The following ZSCAN23 variants were observed in gnomAD, a reference collection of about 807,000 sequenced individuals.
The protein encoded by ZSCAN23 is zinc finger and SCAN domain containing 23.
ZSCAN23 carries 19 observed loss-of-function variants against 19.3 expected under a neutral mutation model. The observed-to-expected ratio is 0.99, with a 90% CI of 0.69 to 1.45. ZSCAN23 has a LOEUF of 1.45. Ranked by LOEUF, ZSCAN23 falls within the 40% of genes most tolerant of loss-of-function variation. The pLI is 0.00. For missense variants in ZSCAN23, 372 were observed against 462.5 expected (o/e 0.80, Z 1.79); for synonymous variants, 140 against 166.2 (o/e 0.84, Z 1.21).
chr6:28,425,110 C>A, the ZSCAN23 span, among the ~76,000 whole-genome samples: 1 of 152,172 alleles, frequency 6.6e-6, no homozygotes, highest in Non-Finnish European at 1.5e-5. Flanking sequence ...CAATATTAAC[C>A]TTTTTGCACA....
At chr6:28,439,005 C>A (rs1012450550) in intron 1 of ZSCAN23, among the ~76,000 whole-genome samples, 1 of 152,162 alleles carries the variant, frequency 6.6e-6, no homozygotes, top group African/African-American at 2.4e-5. Flanking sequence ...GTTCTGACAT[C>A]TTTGGTTTGG....
At chr6:28,432,518 T>C (rs7765989), downstream of ZSCAN23, 31,367 of 152,156 alleles carry the variant, frequency 0.21, 3,590 homozygotes, top group African/African-American at 0.29. Flanking sequence ...CCATCACTTC[T>C]CCATTTCTCT....
chr6:28,431,278 T>TA (rs1368305448), downstream of ZSCAN23, among the ~76,000 whole-genome samples: 1 of 152,222 alleles, frequency 6.6e-6, no homozygotes, highest in African/African-American at 2.4e-5. Flanking sequence ...ATCTTTCTGA[T>TA]TCTCTGTCTT....
the ZSCAN23 span, among the ~76,000 whole-genome samples, chr6:28,425,340 T>G: frequency 6.6e-6 from 1 of 152,168 alleles, no homozygotes; most frequent in African/African-American, 2.4e-5. Flanking sequence ...GTTTGTGTGT[T>G]TGTTTGAGAC....
rs185399222 is a variant in ZSCAN23 at position 28,434,583 on chromosome 6, T to A, written c.1052A>T (p.His351Leu). The A allele has an allele frequency of 1.3e-6, 2 of 1,555,344 alleles. No homozygotes were observed. The highest frequency in any genetic ancestry group is 4.9e-5 in the East Asian group (2 of 41,158). The change falls in exon 4 of 4, where the codon CAT becomes CTT. Residue 351 changes from histidine (H) to leucine (L), a missense_variant. Coordinates refer to ENST00000289788, the MANE Select transcript of ZSCAN23 (RefSeq NM_001012455.2). ...SFSRRSVLIK[H>L]QRIHTGERPY... ...TCTCTCTCCAGTGTGAATTCTCTGATGCTTAATGAGGACTGAACGTCGACT... is the reference window on the plus strand; with the variant it reads ...TCTCTCTCCAGTGTGAATTCTCTGAAGCTTAATGAGGACTGAACGTCGACT...
At chr6:28,435,810 C>T in intron 2 of ZSCAN23, 49 bp downstream of exon 2, 1 of 1,503,528 alleles carries the variant, frequency 6.7e-7, no homozygotes, top group Non-Finnish European at 8.9e-7. Flanking sequence ...GCACTGAAAC[C>T]CCATACTTGT....
At chr6:28,425,996 T>C in the ZSCAN23 span, among the ~76,000 whole-genome samples, 16 of 152,188 alleles carry the variant, frequency 1.1e-4, no homozygotes, top group African/African-American at 3.6e-4. Context: ...AGCTTCCTCA[T>C]CTCTCTCAGC....
At chr6:28,425,486 C>A in the ZSCAN23 span, among the ~76,000 whole-genome samples, 2 of 152,124 alleles carry the variant, frequency 1.3e-5, no homozygotes, top group South Asian at 4.1e-4. Context: ...TACCACCACA[C>A]CCAGCTAATT....
At chr6:28,429,647 A>C (rs1761719687), downstream of ZSCAN23, among the ~76,000 whole-genome samples, 1 of 152,134 alleles carries the variant, frequency 6.6e-6, no homozygotes, top group Admixed American at 6.5e-5. Context: ...ATACAGACCT[A>C]GCTCTGTACA....
At chr6:28,429,657 A>G (rs778961919), downstream of ZSCAN23, among the ~76,000 whole-genome samples, 10 of 152,120 alleles carry the variant, frequency 6.6e-5, no homozygotes, top group Non-Finnish European at 1.0e-4. Context: ...AGCTCTGTAC[A>G]GCGCTTTGTT....
At chr6:28,431,773 T>C (rs1761765193), downstream of ZSCAN23, among the ~76,000 whole-genome samples, 1 of 152,240 alleles carries the variant, frequency 6.6e-6, no homozygotes, top group African/African-American at 2.4e-5. Context: ...GACAATAGTA[T>C]CTAAAAACTT....
At chr6:28,428,410 T>C (rs572854104), downstream of ZSCAN23, among the ~76,000 whole-genome samples, 1 of 152,368 alleles carries the variant, frequency 6.6e-6, no homozygotes, top group African/African-American at 2.4e-5. Context: ...TATTTATCCC[T>C]GGCTACATTT....
At chr6:28,428,084 T>A (rs1761692404), downstream of ZSCAN23, among the ~76,000 whole-genome samples, 1 of 152,046 alleles carries the variant, frequency 6.6e-6, no homozygotes, top group Non-Finnish European at 1.5e-5. Flanking sequence ...CAAAAAAAAA[T>A]GTTTAGTATC....
chr6:28,423,149 C>T, the ZSCAN23 span, among the ~76,000 whole-genome samples: 850 of 152,182 alleles, frequency 5.6e-3, 7 homozygotes, highest in African/African-American at 0.019. Context: ...GTGGAACACA[C>T]GATGGGAGGG....
At chr6:28,436,436 T>A (rs1220917443) in intron 1 of ZSCAN23, 93 bp from the exon 2 acceptor site, 2 of 609,062 alleles carry the variant, frequency 3.3e-6, no homozygotes, top group Non-Finnish European at 5.4e-6. Flanking sequence ...TCAGTCACTC[T>A]GTCTCATGAA....
chr6:28,435,206 ATTT>A, intron 3 of ZSCAN23, 128 bp from the exon 4 acceptor site: 1 of 1,174,508 alleles, frequency 8.5e-7, no homozygotes. Context: ...TTTTCTGTTT[ATTT>A]TTCCACTCTA....
chr6:28,424,740 G>GCTACACTT, the ZSCAN23 span, among the ~76,000 whole-genome samples: 1 of 152,088 alleles, frequency 6.6e-6, no homozygotes, highest in African/African-American at 2.4e-5. Flanking sequence ...ACATCTTCAG[G>GCTACACTT]CTACACTTCT....
At chr6:28,440,426 G>C (rs1384327455) in intron 1 of ZSCAN23, among the ~76,000 whole-genome samples, 1 of 152,202 alleles carries the variant, frequency 6.6e-6, no homozygotes, top group African/African-American at 2.4e-5. Context: ...AGTGGAGGCA[G>C]AGAGGGATGC....
Position 28,435,997 on chromosome 6 carries a change from C to T in ZSCAN23, c.270G>A (p.Leu90=), listed in dbSNP as rs778648011. Residue 90 remains leucine (L), a synonymous_variant, in exon 2 of 4, where the codon CTG becomes CTA. Coordinates refer to ENST00000289788, the MANE Select transcript of ZSCAN23 (RefSeq NM_001012455.2). ...TAGTCAGGAACTGCTCCAGCACCAGCAGCTCTAGGATCTGCTCCTTGGTGT... is the reference window on the plus strand; with the variant it reads ...TAGTCAGGAACTGCTCCAGCACCAGTAGCTCTAGGATCTGCTCCTTGGTGT... ...EMHTKEQILE[L]LVLEQFLTIL... The T allele has an allele frequency of 6.2e-7, 1 of 1,614,222 alleles. No individual in the cohort carries two copies. Among genetic ancestry groups the T allele is most frequent in the Non-Finnish European group, 8.5e-7 (1 of 1,180,042 alleles).
Sources: gnomAD v4.1 joint callset for allele counts (sites outside exome capture counted in the v4.1 genomes callset) on GRCh38, gnomAD v4.1.1 for gene constraint, MANE v1.5 for transcripts, NCBI Gene and HGNC (gene_info 2026-07-23, HGNC 2026-07-21) for gene names.